Variants in RPS17 observed in about 807,000 individuals in gnomAD.
RPS17 encodes small ribosomal subunit protein eS17.
For missense variants in RPS17, 68 were observed against 182.3 expected (o/e 0.37, Z 3.61); for synonymous variants, 75 against 65.6 (o/e 1.14, Z -0.70).
intron 2 of RPS17, chr15:82,539,227 T>TCCCCCCC: frequency 3.3e-6 from 2 of 606,004 alleles, no homozygotes; most frequent in Admixed American, 2.3e-5. Context: ...CACCCCCAAC[T>TCCCCCCC]CGCCCCGCCC....
At chr15:82,538,240 A>G (rs2034275567) in intron 4 of RPS17, 66 bp downstream of exon 4, 1 of 1,575,566 alleles carries the variant, frequency 6.3e-7, no homozygotes, top group East Asian at 2.2e-5. Flanking sequence ...GTGACCTTGG[A>G]TAATAAGACC....
chr15:82,539,225 A>ACCC, intron 2 of RPS17: 1 of 590,994 alleles, frequency 1.7e-6, no homozygotes, highest in Non-Finnish European at 3.1e-6. Context: ...CCCACCCCCA[A>ACCC]CTCGCCCCGC....
chr15:82,537,069 C>A, intron 4 of RPS17, 188 bp from the exon 5 acceptor site: 1 of 687,792 alleles, frequency 1.5e-6, no homozygotes, highest in Non-Finnish European at 2.7e-6. Flanking sequence ...CTTCAACACA[C>A]ACCTGACCAT....
At chr15:82,538,759 G>C (rs2034285188) in intron 3 of RPS17, 121 bp downstream of exon 3, 1 of 1,076,510 alleles carries the variant, frequency 9.3e-7, no homozygotes, top group Non-Finnish European at 1.4e-6. Flanking sequence ...GGCACCCACA[G>C]CTGGTTATGG....
At position 82,540,034 on chromosome 15, in the gene RPS17, C is replaced by A; in HGVS notation, c.102G>T (p.Val34=). 4 of 1,612,560 alleles carry A rather than the reference C, an allele frequency of 2.5e-6. No individual in the cohort carries two copies. Among genetic ancestry groups the A allele is most frequent in the Admixed American group, 1.7e-5 (1 of 60,030 alleles). ...LGNDFHTNKR[V]CEEIAIIPSK... Reference sequence around the variant, plus strand: ...TGGGGATAATGGCGATCTCCTCGCACACGCGCTTGTTCGTGTGGAAGTCGT... The same window carrying A: ...TGGGGATAATGGCGATCTCCTCGCAAACGCGCTTGTTCGTGTGGAAGTCGT... The change falls in exon 2 of 5, where the codon GTG becomes GTT. Residue 34 remains valine (V), a synonymous_variant. Transcript: ENST00000647841.
intron 3 of RPS17, 193 bp from the exon 4 acceptor site, chr15:82,538,564 C>A (rs928880250): frequency 4.2e-6 from 3 of 715,450 alleles, no homozygotes; most frequent in Admixed American, 2.1e-5. Context: ...CTTCCCATGC[C>A]CTCATTCAGT....
At position 82,538,129 on chromosome 15, in the gene RPS17, A is replaced by C. The variant is rs974798364; in HGVS notation, c.327+177T>G. ...GGGAATCATGATCTTGTGGCGAACT[A>C]ACTCAATGCACACAACTTCCGCTAC... On this transcript the variant is annotated intron_variant, in intron 4 of 4. Transcript: ENST00000647841. 1,690 of 688,174 alleles carry C rather than the reference A, an allele frequency of 2.5e-3. 23 individuals are homozygous for C. The African/African-American group carries it at 0.026, about 10-fold the overall frequency. 42.6% of individuals were successfully genotyped at this position (688,174 alleles called of 1,614,324 possible).
intron 4 of RPS17, 131 bp downstream of exon 4, chr15:82,538,175 A>G: frequency 1.0e-6 from 1 of 953,454 alleles, no homozygotes; most frequent in Non-Finnish European, 1.7e-6. Context: ...AAAGCAGTCC[A>G]GTTTAGTGGC....
chr15:82,539,640 G>C, intron 2 of RPS17: 2 of 426,216 alleles, frequency 4.7e-6, no homozygotes, highest in South Asian at 2.0e-5. Context: ...AGTGAGCCGA[G>C]ATGGCGCCAC....
At chr15:82,539,926 G>A (rs1007306857) in intron 2 of RPS17, 55 bp downstream of exon 2, 168 of 1,611,526 alleles carry the variant, frequency 1.0e-4, no homozygotes, top group Non-Finnish European at 1.4e-4. Context: ...TCGGAGGGCG[G>A]CAGAGCACAC....
At chr15:82,539,797 G>A in intron 2 of RPS17, 184 bp downstream of exon 2, 2 of 1,101,722 alleles carry the variant, frequency 1.8e-6, no homozygotes, top group Non-Finnish European at 2.8e-6. Flanking sequence ...ACCGCGGCCA[G>A]TCATGACACA....
At chr15:82,540,194 G>A (rs1595979888) in intron 1 of RPS17, 62 bp from the exon 2 acceptor site, 5 of 1,612,860 alleles carry the variant, frequency 3.1e-6, no homozygotes, top group Middle Eastern at 1.9e-4. Flanking sequence ...AGAGTGCGGC[G>A]CCGAGCCCCG....
Position 82,537,881 on chromosome 15 carries a change from G to A in RPS17, c.327+425C>T, listed in dbSNP as rs2034268425. 6.8e-5 allele frequency: 31 copies of A among 456,492 alleles called. 1 individual carries two copies. Among genetic ancestry groups the A allele is most frequent in the South Asian group, 4.8e-4 (31 of 64,574 alleles). The allele number at this position is 456,492 out of a possible 1,614,324, so 28.3% of individuals were successfully genotyped here. A position where few individuals can be genotyped will look rare whatever the true frequency, so the allele number is the denominator to read the frequency against. On this transcript the variant is annotated intron_variant, in intron 4 of 4. Transcript: ENST00000647841. ...CATAGAAAAAACATCAAAGTGCAAT[G>A]AAGATACTCGTGAACTACCTAAGTA...
At chr15:82,539,547 A>AGT (rs1172454569) in intron 2 of RPS17, 1 of 442,918 alleles carries the variant, frequency 2.3e-6, no homozygotes, top group Non-Finnish European at 4.5e-6. Context: ...AAATTAGCCG[A>AGT]GTGTGGTAGC....
At chr15:82,538,009 C>T (rs2034270578) in intron 4 of RPS17, 4 of 489,532 alleles carry the variant, frequency 8.2e-6, no homozygotes, top group South Asian at 4.6e-5. Flanking sequence ...GCAGATTCAG[C>T]CAGGGCTGAC....
rs2034276799 is a variant in RPS17, at chr15:82,538,369, G to A, written c.264C>T (p.Val88=). 1.2e-6 allele frequency: 2 copies of A among 1,612,286 alleles called. No individual in the cohort carries two copies. The highest frequency in any genetic ancestry group is 1.3e-5 in the African/African-American group (1 of 74,982). The change falls in exon 4 of 5, where the codon GTC becomes GTT. Residue 88 remains valine (V), a splice_region_variant and synonymous_variant. Coordinates refer to ENST00000647841, the MANE Select transcript of RPS17 (RefSeq NM_001021.6). The stretch of plus-strand genomic sequence containing the variant: ...CAATAATCTCCTGATCCAAGGCTGA[G>A]ACCTACAAGGAAACGAGGTAGGGTC... ...RERRDNYVPE[V]SALDQEIIEV...
At position 82,538,669 on chromosome 15, in the gene RPS17, G is replaced by C. The variant is rs2034283407; in HGVS notation, c.261+211C>G. 9.0e-6 allele frequency: 6 copies of C among 666,556 alleles called. No individual in the cohort carries two copies. The South Asian group carries it at 1.1e-4, about 12-fold the overall frequency. 41.3% of individuals were successfully genotyped at this position (666,556 alleles called of 1,614,324 possible). On this transcript the variant is annotated intron_variant, in intron 3 of 4. Transcript: ENST00000647841. ...CAGCAGTCATCAAATCAACATTAAG[G>C]GCTCTCATGAAATATGGAATAGACT...
At chr15:82,538,432 C>A in intron 3 of RPS17, 61 bp from the exon 4 acceptor site, 1 of 1,564,348 alleles carries the variant, frequency 6.4e-7, no homozygotes, top group South Asian at 1.1e-5. Context: ...CACCTCTCCT[C>A]CTCCTCTCCC....
chr15:82,537,493 A>G, intron 4 of RPS17: 1 of 297,290 alleles, frequency 3.4e-6, no homozygotes, highest in Non-Finnish European at 6.5e-6. Context: ...GAGGGAGGCA[A>G]GAGCAGACCC....
Sources: allele counts gnomAD v4.1 joint callset, GRCh38; gene constraint gnomAD v4.1.1; transcripts MANE v1.5; gene names NCBI Gene and HGNC (gene_info 2026-07-23, HGNC 2026-07-21).